The following BASP1 variants were observed in gnomAD, a reference collection of about 807,000 sequenced individuals.
BASP1 encodes the protein brain abundant membrane attached signal protein 1.
BASP1 carries 1 observed loss-of-function variant against 2.2 expected under a neutral mutation model. The observed-to-expected ratio is 0.46, with a 90% CI of 0.16 to 2.17. The LOEUF (loss-of-function observed/expected upper bound fraction) is 2.17. BASP1 is among the 30% of genes most tolerant of loss of function. The probability of loss-of-function intolerance (pLI) is 0.27; values close to 1 mark genes in which losing one functional copy is unlikely to be tolerated. For missense variants in BASP1, 352 were observed against 327.2 expected (o/e 1.08, Z -0.58); for synonymous variants, 187 against 154.2 (o/e 1.21, Z -1.58).
chr5:17,227,506 A>G (rs1739537166), intron 1 of BASP1, among the ~76,000 whole-genome samples: 2 of 152,066 alleles, frequency 1.3e-5, no homozygotes, highest in African/African-American at 4.8e-5. Context: ...GGTTCAAGCA[A>G]TTCTTTTGCC....
rs938784678 is a variant in BASP1 at position 17,260,563 on chromosome 5, G to A, written c.-9-14645G>A. On this transcript the variant is annotated intron_variant, in intron 1 of 1. Transcript: ENST00000322611. This position sits in a 1 kb window ranked among gnomAD's most constrained non-coding sequence, Gnocchi z 4.2. ...TTGACCGCATTTCATTTAATGCAAC[G>A]GAAATTTCAGTTACAATTTAGTTTA... Among the ~76,000 whole-genome samples, 2 of 152,132 alleles carry A rather than the reference G, an allele frequency of 1.3e-5. No individual in the cohort carries two copies. The highest frequency in any genetic ancestry group is 2.4e-5 in the African/African-American group (1 of 41,414).
rs1391215860 is a variant in BASP1 at position 17,276,737 on chromosome 5, A to ATC, written c.*837_*838insTC. On this transcript the variant is annotated 3_prime_UTR_variant, in exon 2 of 2. Transcript: ENST00000322611. ...CACTCATTGGAAAATGGAAAAAAAA[A>ATC]ACAAAAAAAAAACAAAAAAATGTAC... is the stretch of plus-strand genomic sequence containing the variant. 2 of 83,468 alleles carry ATC rather than the reference A, an allele frequency of 2.4e-5. No individual in the cohort carries two copies. Among genetic ancestry groups the ATC allele is most frequent in the Non-Finnish European group, 7.0e-5 (2 of 28,464 alleles). The allele number at this position is 83,468 out of a possible 1,614,324, so 5.2% of individuals were successfully genotyped here. A position where few individuals can be genotyped will look rare whatever the true frequency, so the allele number is the denominator to read the frequency against.
chr5:17,271,450 T>G (rs1740526819), intron 1 of BASP1, among the ~76,000 whole-genome samples: 2 of 152,208 alleles, frequency 1.3e-5, no homozygotes, highest in Admixed American at 1.3e-4. Flanking sequence ...AATTAGCTTT[T>G]TTCTGAGATG....
chr5:17,252,123 G>A (rs1271856058), intron 1 of BASP1, among the ~76,000 whole-genome samples: 1 of 152,164 alleles, frequency 6.6e-6, no homozygotes, highest in Non-Finnish European at 1.5e-5. Context: ...TTGGAGATGA[G>A]AAAGCTAGGT....
At chr5:17,268,512 A>G (rs1471889393) in intron 1 of BASP1, among the ~76,000 whole-genome samples, 4 of 152,168 alleles carry the variant, frequency 2.6e-5, no homozygotes, top group Non-Finnish European at 5.9e-5. Flanking sequence ...AGGGGATCCT[A>G]TTATAGTTTG....
At chr5:17,239,384 C>T (rs1258214191) in intron 1 of BASP1, among the ~76,000 whole-genome samples, 2 of 152,300 alleles carry the variant, frequency 1.3e-5, no homozygotes, top group African/African-American at 4.8e-5. Flanking sequence ...TGAGCCACTG[C>T]ACCCGGCCCA....
chr5:17,246,880 C>A (rs1740001090), intron 1 of BASP1, among the ~76,000 whole-genome samples: 1 of 152,140 alleles, frequency 6.6e-6, no homozygotes, highest in South Asian at 2.1e-4. Context: ...CATCAGTTAC[C>A]TTGTATCACC....
intron 1 of BASP1, among the ~76,000 whole-genome samples, chr5:17,226,353 C>T (rs1739505360): frequency 6.6e-6 from 1 of 152,146 alleles, no homozygotes. Context: ...TACAAATTTC[C>T]TGAATTGCAT....
intron 1 of BASP1, among the ~76,000 whole-genome samples, chr5:17,259,519 G>T (rs1285600364): frequency 1.3e-5 from 2 of 152,070 alleles, no homozygotes; most frequent in African/African-American, 2.4e-5. Flanking sequence ...AGTATGTCAA[G>T]GACATACATA....
At chr5:17,235,426 A>G (rs182204360) in intron 1 of BASP1, among the ~76,000 whole-genome samples, 61 of 151,742 alleles carry the variant, frequency 4.0e-4, no homozygotes, top group African/African-American at 1.4e-3. Context: ...AGGCCGGGCT[A>G]ATTTTTTTTG....
At position 17,225,561 on chromosome 5, in the gene BASP1, C is replaced by G. The variant is rs780307605; in HGVS notation, c.-10+7751C>G. The stretch of plus-strand genomic sequence containing the variant: ...TTTAAGTTAAATCCTTGTTTTTCTC[C>G]CAAAATGCACAGTGGTTGGGGGCTG... On this transcript the variant is annotated intron_variant, in intron 1 of 1. Transcript: ENST00000322611. Among the ~76,000 whole-genome samples the G allele has an allele frequency of 1.6e-4, 25 of 152,230 alleles. 1 individual carries two copies. Among genetic ancestry groups the G allele is most frequent in the Admixed American group, 1.2e-3 (19 of 15,286 alleles).
At chr5:17,269,360 T>TC (rs1246467004) in intron 1 of BASP1, among the ~76,000 whole-genome samples, 4 of 152,198 alleles carry the variant, frequency 2.6e-5, no homozygotes, top group African/African-American at 9.7e-5. Flanking sequence ...GGGTATGTAT[T>TC]CCACGGATGC....
chr5:17,224,352 CTT>C (rs933410542), intron 1 of BASP1, among the ~76,000 whole-genome samples: 2 of 145,804 alleles, frequency 1.4e-5, no homozygotes, highest in African/African-American at 5.2e-5. Context: ...GTGGTTATGT[CTT>C]TTAAAAAGTT....
intron 1 of BASP1, among the ~76,000 whole-genome samples, chr5:17,250,326 G>T (rs1740076342): frequency 6.6e-6 from 1 of 152,210 alleles, no homozygotes; most frequent in Non-Finnish European, 1.5e-5. Flanking sequence ...TTCGTAAAAA[G>T]TGTGTTCTTT....
chr5:17,251,144 A>G lies in BASP1; in HGVS notation c.-9-24064A>G, dbSNP rs10037902. On this transcript the variant is annotated intron_variant, in intron 1 of 1. Coordinates refer to ENST00000322611, the MANE Select transcript of BASP1 (RefSeq NM_006317.5). This position sits in a 1 kb window ranked among gnomAD's most constrained non-coding sequence, Gnocchi z 4.0. Reference sequence around the variant, plus strand: ...TCCAAAATACCCTGATTTTATCATTACACATTGTATACAAATATCAAAATA... The same window carrying G: ...TCCAAAATACCCTGATTTTATCATTGCACATTGTATACAAATATCAAAATA... Among the ~76,000 whole-genome samples the G allele has an allele frequency of 0.098, 14,845 of 152,246 alleles. 817 individuals are homozygous for G. The highest frequency in any genetic ancestry group is 0.13 in the Middle Eastern group (39 of 294).
intron 1 of BASP1, among the ~76,000 whole-genome samples, chr5:17,244,087 C>T (rs1739928698): frequency 6.6e-6 from 1 of 152,140 alleles, no homozygotes; most frequent in African/African-American, 2.4e-5. Flanking sequence ...TGGTGAGATT[C>T]TATACATGAA....
Position 17,267,817 on chromosome 5 carries a change from CTTTTTTTT to C in BASP1, c.-9-7374_-9-7367del, listed in dbSNP as rs748938177. ...CAGGCGTGAGCCACCGCTCCCAGCCCTTTTTTTTTTTTTTTTTTTTTTTTGCTTTTTAA... is the reference window on the plus strand; with the variant it reads ...CAGGCGTGAGCCACCGCTCCCAGCCCTTTTTTTTTTTTTTTTGCTTTTTAA... On this transcript the variant is annotated intron_variant, in intron 1 of 1. Transcript: ENST00000322611. Among the ~76,000 whole-genome samples the C allele has an allele frequency of 3.3e-4, 11 of 33,434 alleles. No homozygotes were observed. The South Asian group carries it at 0.012, about 36-fold the overall frequency. The allele number at this position is 33,434 out of a possible 152,430, so 21.9% of individuals were successfully genotyped here.
At chr5:17,254,991 AC>A (rs1740174249) in intron 1 of BASP1, among the ~76,000 whole-genome samples, 1 of 152,084 alleles carries the variant, frequency 6.6e-6, no homozygotes, top group South Asian at 2.1e-4. Context: ...ATTTCAATTC[AC>A]CCTCTGCTTT....
chr5:17,234,251 TA>T (rs1700289267), intron 1 of BASP1, among the ~76,000 whole-genome samples: 1 of 152,248 alleles, frequency 6.6e-6, no homozygotes, highest in African/African-American at 2.4e-5. Context: ...TGTCTGTGTG[TA>T]TCTCAGTCTT....
Sources: gnomAD v4.1 joint callset for allele counts (sites outside exome capture counted in the v4.1 genomes callset) on GRCh38, gnomAD v4.1.1 for gene constraint, Gnocchi (gnomAD v3.1) non-coding constraint, MANE v1.5 for transcripts, NCBI Gene and HGNC (gene_info 2026-07-23, HGNC 2026-07-21) for gene names.